The following CSNK1G3 variants were observed in gnomAD, a reference collection of about 807,000 sequenced individuals.
CSNK1G3 encodes casein kinase I isoform gamma-3.
In CSNK1G3, 23 loss-of-function variants were observed where a neutral mutation model predicts 64.3. The observed-to-expected ratio is 0.36, with a 90% confidence interval of 0.26 to 0.51. The LOEUF (loss-of-function observed/expected upper bound fraction) is 0.51, where lower values mean the gene tolerates loss of function less well. Ranked by LOEUF, CSNK1G3 falls within the 20% of genes least tolerant of loss-of-function variation. CSNK1G3 has a pLI of 0.96. For synonymous variants in CSNK1G3, 158 were observed against 162.2 expected, an observed-to-expected ratio of 0.97 and a Z score of 0.20; for missense variants, 357 against 510.5, an observed-to-expected ratio of 0.70 and a Z score of 2.90.
intron 4 of CSNK1G3, among the ~76,000 whole-genome samples, chr5:123,567,339 G>A (rs1236034492): frequency 6.6e-6 from 1 of 152,150 alleles, no homozygotes; most frequent in Non-Finnish European, 1.5e-5. Flanking sequence ...GGTGGCTCAC[G>A]CCTGTAATCC....
chr5:123,553,202 A>T, intron 3 of CSNK1G3, 55 bp downstream of exon 3: 1 of 917,934 alleles, frequency 1.1e-6, no homozygotes, highest in Non-Finnish European at 1.6e-6. Flanking sequence ...TTTTTAAGTA[A>T]CTTATATATT....
At chr5:123,614,396 ACT>A (rs112383869) in exon 13 of CSNK1G3, 1 of 1,612,202 alleles carries the variant, frequency 6.2e-7, no homozygotes. Flanking sequence ...GCCACAAATG[ACT>A]CTGGACACAG....
At chr5:123,580,208 C>G (rs1789982305) in intron 6 of CSNK1G3, among the ~76,000 whole-genome samples, 1 of 151,930 alleles carries the variant, frequency 6.6e-6, no homozygotes, top group African/African-American at 2.4e-5. Context: ...ATTCACCCAT[C>G]TTTCCATCCA....
In CSNK1G3 at chr5:123,553,139, A is replaced by G. The variant is rs371086247; in HGVS notation, c.211A>G (p.Ile71Val). The G allele has an allele frequency of 9.2e-6, 13 of 1,408,706 alleles. No individual in the cohort carries two copies. In the Admixed American group the frequency reaches 9.5e-5, roughly 10 times the overall value. The allele number at this position is 1,408,706 out of a possible 1,614,324, so 87.3% of individuals were successfully genotyped here. ...TTTATACACAAATGAATATGTGGCA[A>G]TTAAGTTGGTAAGTTCCTGTTTCTT... The change falls in exon 3 of 13, where the codon ATT becomes GTT. Residue 71 changes from isoleucine (I) to valine (V), a missense_variant. Ile to Val is a conservative substitution (Grantham distance 29). This residue lies in a region of CSNK1G3 where 128 missense variants were observed against 250.4 expected (regional missense o/e 0.51). Transcript: ENST00000345990.
At chr5:123,529,477 C>T (rs1779582361) in intron 1 of CSNK1G3, among the ~76,000 whole-genome samples, 1 of 152,066 alleles carries the variant, frequency 6.6e-6, no homozygotes, top group African/African-American at 2.4e-5. Context: ...CATTAAGAGT[C>T]CTGATGAGAT....
intron 1 of CSNK1G3, among the ~76,000 whole-genome samples, chr5:123,535,914 G>A (rs1780717707): frequency 6.6e-6 from 1 of 152,126 alleles, no homozygotes; most frequent in African/African-American, 2.4e-5. Context: ...TTTTGAGGAA[G>A]GGAAGTAGTT....
chr5:123,574,765 G>A (rs1241095665), intron 5 of CSNK1G3, among the ~76,000 whole-genome samples: 1 of 152,174 alleles, frequency 6.6e-6, no homozygotes, highest in African/African-American at 2.4e-5. Context: ...GGAGGTTAAA[G>A]GTTGAAGCTG....
intron 10 of CSNK1G3, among the ~76,000 whole-genome samples, chr5:123,593,062 A>T (rs1192772058): frequency 2.6e-5 from 4 of 151,966 alleles, no homozygotes; most frequent in African/African-American, 9.7e-5. Context: ...TTAAATTATA[A>T]ATCTAATGTT....
intron 6 of CSNK1G3, among the ~76,000 whole-genome samples, chr5:123,584,177 C>T (rs1162087041): frequency 6.6e-6 from 1 of 152,118 alleles, no homozygotes; most frequent in Non-Finnish European, 1.5e-5. Flanking sequence ...TTCTTTGCTT[C>T]TTTGTACTGG....
chr5:123,614,353 T>C, exon 13 of CSNK1G3: 1 of 1,613,378 alleles, frequency 6.2e-7, no homozygotes, highest in Non-Finnish European at 8.5e-7. Flanking sequence ...TGCTGCTGTT[T>C]TTTCAAACGA....
chr5:123,512,731 TG>T, intron 1 of CSNK1G3, among the ~76,000 whole-genome samples, 161 bp downstream of exon 1: 1 of 121,462 alleles, frequency 8.2e-6, no homozygotes, highest in Non-Finnish European at 1.8e-5. Context: ...GGGGGAGGGG[TG>T]GGCGAGGACC....
intron 10 of CSNK1G3, among the ~76,000 whole-genome samples, chr5:123,597,406 G>T (rs140260462): frequency 6.6e-6 from 1 of 152,074 alleles, no homozygotes; most frequent in Non-Finnish European, 1.5e-5. Context: ...TGTGACGCAG[G>T]TTTAGGATAT....
At chr5:123,566,158 G>A (rs1441617657) in intron 4 of CSNK1G3, among the ~76,000 whole-genome samples, 2 of 152,148 alleles carry the variant, frequency 1.3e-5, no homozygotes, top group South Asian at 2.1e-4. Flanking sequence ...TAGTTTCTGT[G>A]TATTACTGTT....
At chr5:123,541,712 G>T (rs1781712165) in intron 1 of CSNK1G3, among the ~76,000 whole-genome samples, 1 of 152,184 alleles carries the variant, frequency 6.6e-6, no homozygotes, top group Non-Finnish European at 1.5e-5. Flanking sequence ...GATTACAGTT[G>T]TGAGCCACTG....
chr5:123,590,489 T>G, exon 9 of CSNK1G3: 1 of 1,542,100 alleles, frequency 6.5e-7, no homozygotes, highest in South Asian at 1.3e-5. Flanking sequence ...TAAGAAAGCT[T>G]TTTACTGACT....
At chr5:123,548,490 GA>G (rs889807244) in intron 2 of CSNK1G3, among the ~76,000 whole-genome samples, 1 of 128,982 alleles carries the variant, frequency 7.8e-6, no homozygotes. Flanking sequence ...GCCATGAGAT[GA>G]AAAAAAATGG....
chr5:123,520,978 A>G (rs138776154), intron 1 of CSNK1G3, among the ~76,000 whole-genome samples: 32 of 152,180 alleles, frequency 2.1e-4, no homozygotes, highest in African/African-American at 7.5e-4. Context: ...AGGCAAATAT[A>G]TTAGGTAATC....
chr5:123,568,687 A>G (rs1222593418), intron 4 of CSNK1G3, among the ~76,000 whole-genome samples: 1 of 152,132 alleles, frequency 6.6e-6, no homozygotes, highest in Non-Finnish European at 1.5e-5. Flanking sequence ...TATGCTCCTC[A>G]TCTTCAAGGC....
intron 10 of CSNK1G3, among the ~76,000 whole-genome samples, chr5:123,604,047 T>A (rs764674861): frequency 6.6e-6 from 1 of 152,044 alleles, no homozygotes; most frequent in Non-Finnish European, 1.5e-5. Flanking sequence ...GATAATAGGT[T>A]TTTGCTCTTA....
Sources: gnomAD v4.1 joint callset for allele counts (sites outside exome capture counted in the v4.1 genomes callset) on GRCh38, gnomAD v4.1.1 for gene constraint, gnomAD v4.1.1 regional missense constraint, MANE v1.5 for transcripts, NCBI Gene and HGNC (gene_info 2026-07-23, HGNC 2026-07-21) for gene names.